Variants in AUTS2 observed in about 807,000 individuals in gnomAD.
The protein encoded by AUTS2 is activator of transcription and developmental regulator AUTS2, also known as autism susceptibility gene 2 protein.
A neutral mutation model predicts 112.4 loss-of-function variants in AUTS2; 17 were observed. The ratio of observed to expected loss-of-function variants is 0.15; its 90% CI spans 0.10 to 0.23. AUTS2 has a LOEUF of 0.23. AUTS2 is among the 10% of genes least tolerant of loss of function. The pLI, the probability that AUTS2 is intolerant of heterozygous loss-of-function variation, is 1.00. For missense variants in AUTS2, 1,510 were observed against 1,701.6 expected, an observed-to-expected ratio of 0.89 and a Z score of 1.98; for synonymous variants, 751 against 702.7, an observed-to-expected ratio of 1.07 and a Z score of -1.09.
At chr7:70,477,762 A>T (rs1438969704) in intron 5 of AUTS2, among the ~76,000 whole-genome samples, 1 of 152,224 alleles carries the variant, frequency 6.6e-6, no homozygotes, top group Admixed American at 6.5e-5. Context: ...AAATGATGTG[A>T]TTAAAAGGCC....
intron 11 of AUTS2, 123 bp from the exon 12 acceptor site, chr7:70,773,905 G>A (rs1472386937): frequency 3.4e-6 from 3 of 879,020 alleles, no homozygotes; most frequent in Non-Finnish European, 5.5e-6. Context: ...AATGAATCTT[G>A]CGTTTCAGAA....
intron 5 of AUTS2, among the ~76,000 whole-genome samples, chr7:70,638,197 T>G (rs1805623933): frequency 6.6e-6 from 1 of 152,048 alleles, no homozygotes; most frequent in African/African-American, 2.4e-5. Context: ...CTGATCACCT[T>G]CATGTAAAAG....
chr7:69,665,481 T>C (rs1485087076), intron 1 of AUTS2, among the ~76,000 whole-genome samples: 2 of 152,186 alleles, frequency 1.3e-5, no homozygotes, highest in African/African-American at 4.8e-5. Flanking sequence ...GAGTCTGGAA[T>C]GCAAAACTGA....
chr7:70,308,289 C>T (rs1412957249), intron 4 of AUTS2, among the ~76,000 whole-genome samples: 2 of 152,102 alleles, frequency 1.3e-5, no homozygotes, highest in Non-Finnish European at 2.9e-5. Flanking sequence ...TAGGACATAC[C>T]CATTTCACTC....
intron 4 of AUTS2, among the ~76,000 whole-genome samples, chr7:70,298,080 G>A (rs1484257153): frequency 1.3e-5 from 2 of 151,744 alleles, no homozygotes; most frequent in Non-Finnish European, 2.9e-5. Context: ...TGCTGAGGCT[G>A]GAGTGCAGTG....
At chr7:69,615,348 G>A (rs1793315288) in intron 1 of AUTS2, among the ~76,000 whole-genome samples, 1 of 152,088 alleles carries the variant, frequency 6.6e-6, no homozygotes, top group South Asian at 2.1e-4. Context: ...TATCGCCCAG[G>A]CTGGAGTGCA....
At chr7:69,631,698 C>T (rs1769934764) in intron 1 of AUTS2, among the ~76,000 whole-genome samples, 1 of 152,114 alleles carries the variant, frequency 6.6e-6, no homozygotes, top group African/African-American at 2.4e-5. Context: ...TGCTTAATTC[C>T]AAAATAACTT....
At chr7:70,048,278 T>C (rs1801594855) in intron 2 of AUTS2, among the ~76,000 whole-genome samples, 2 of 152,216 alleles carry the variant, frequency 1.3e-5, no homozygotes, top group African/African-American at 2.4e-5. Context: ...GTATCTCCAT[T>C]ACATCACACA....
chr7:70,178,088 G>A (rs556889367), intron 4 of AUTS2, among the ~76,000 whole-genome samples: 6 of 151,678 alleles, frequency 4.0e-5, no homozygotes, highest in Non-Finnish European at 8.8e-5. Flanking sequence ...GCTAATTTTT[G>A]TATTTTTTGT....
chr7:69,622,920 A>C (rs750080826), intron 1 of AUTS2, among the ~76,000 whole-genome samples: 21 of 152,216 alleles, frequency 1.4e-4, no homozygotes, highest in African/African-American at 4.6e-4. Context: ...ACAGGTGCTC[A>C]TTACCACACC....
intron 5 of AUTS2, among the ~76,000 whole-genome samples, chr7:70,659,449 T>A (rs1806950236): frequency 6.6e-6 from 1 of 152,196 alleles, no homozygotes. Context: ...CGCAGCCTCA[T>A]CATACAGCTT....
intron 1 of AUTS2, among the ~76,000 whole-genome samples, chr7:69,687,154 G>A (rs1010492634): frequency 6.6e-6 from 1 of 152,130 alleles, no homozygotes; most frequent in African/African-American, 2.4e-5. Flanking sequence ...AACAAATGCT[G>A]TAAATATGCA....
intron 1 of AUTS2, among the ~76,000 whole-genome samples, chr7:69,657,142 C>T (rs1795578044): frequency 6.6e-6 from 1 of 152,190 alleles, no homozygotes; most frequent in African/African-American, 2.4e-5. Context: ...CAGAACAAAA[C>T]ATCCGGGCAG....
At chr7:70,599,976 A>G (rs1442902204) in intron 5 of AUTS2, among the ~76,000 whole-genome samples, 2 of 152,204 alleles carry the variant, frequency 1.3e-5, no homozygotes, top group East Asian at 1.9e-4. Context: ...ATGTGGCTGC[A>G]TACCAACAGG....
At chr7:70,557,625 T>C (rs932679638) in intron 5 of AUTS2, among the ~76,000 whole-genome samples, 1 of 152,196 alleles carries the variant, frequency 6.6e-6, no homozygotes, top group Non-Finnish European at 1.5e-5. Flanking sequence ...TTACCATAGG[T>C]TACAGCAAAT....
intron 4 of AUTS2, among the ~76,000 whole-genome samples, chr7:70,279,733 G>A (rs1200420578): frequency 2.0e-5 from 3 of 152,344 alleles, no homozygotes; most frequent in East Asian, 3.9e-4. Context: ...CTGTTGAGAA[G>A]ATTTATACAA....
chr7:70,205,254 C>G (rs755151603), intron 4 of AUTS2, among the ~76,000 whole-genome samples: 11 of 152,048 alleles, frequency 7.2e-5, no homozygotes, highest in Admixed American at 3.3e-4. Context: ...CACTGTATTG[C>G]CCAGGCTGGT....
intron 1 of AUTS2, among the ~76,000 whole-genome samples, chr7:69,637,212 A>G (rs1794590223): frequency 6.6e-6 from 1 of 152,198 alleles, no homozygotes; most frequent in Non-Finnish European, 1.5e-5. Flanking sequence ...TCATGCTACT[A>G]AATCTTTGTG....
chr7:70,275,840 G>A (rs1259800635), intron 4 of AUTS2, among the ~76,000 whole-genome samples: 2 of 152,174 alleles, frequency 1.3e-5, no homozygotes, highest in African/African-American at 2.4e-5. Flanking sequence ...TGCCATGATC[G>A]TAAGTTTCCT....
Sources: allele counts gnomAD v4.1 joint callset (sites outside exome capture counted in the v4.1 genomes callset), GRCh38; gene constraint gnomAD v4.1.1; transcripts MANE v1.5; gene names NCBI Gene and HGNC (gene_info 2026-07-23, HGNC 2026-07-21).